Variants in ZNF69 observed in about 807,000 individuals in gnomAD.
The protein encoded by ZNF69 is zinc finger protein 69.
ZNF69 carries 47 observed loss-of-function variants against 50.9 expected under a neutral mutation model. The ratio of observed to expected loss-of-function variants is 0.92; its 90% CI spans 0.73 to 1.18. The LOEUF (loss-of-function observed/expected upper bound fraction) is 1.18. ZNF69 is among the 50% of genes most tolerant of loss of function. The pLI, the probability that ZNF69 is intolerant of heterozygous loss-of-function variation, is 0.00. For missense variants in ZNF69, 717 were observed against 675.1 expected (o/e 1.06, Z -0.69); for synonymous variants, 216 against 223.1 (o/e 0.97, Z 0.29).
the ZNF69 span, among the ~76,000 whole-genome samples, chr19:11,940,254 T>C: frequency 6.6e-6 from 1 of 152,198 alleles, no homozygotes; most frequent in Non-Finnish European, 1.5e-5. Flanking sequence ...TAAGTATAAA[T>C]AATATTTCAA....
chr19:11,944,462 A>G, the ZNF69 span, among the ~76,000 whole-genome samples: 2 of 152,128 alleles, frequency 1.3e-5, no homozygotes, highest in Non-Finnish European at 2.9e-5. Flanking sequence ...TATCCATGTG[A>G]TCCCCAATAC....
the ZNF69 span, chr19:11,947,003 T>A: frequency 1.8e-6 from 2 of 1,134,556 alleles, no homozygotes; most frequent in South Asian, 4.2e-5. Flanking sequence ...AATAAATAAA[T>A]AAATAAATTG....
Position 11,903,954 on chromosome 19 carries a change from G to A in ZNF69, c.240G>A (p.Arg80=), listed in dbSNP as rs368112743. The change falls in exon 3 of 4, where the codon AGG becomes AGA. Residue 80 remains arginine, a synonymous_variant. Coordinates refer to ENST00000429654, the MANE Select transcript of ZNF69 (RefSeq NM_001364730.1). ...TTGAATATGAGTACCAAAACCCCAG[G>A]AGAAACTTCAGGTAATTTGTACTTA... is the stretch of plus-strand genomic sequence containing the variant. ...QNIEYEYQNP[R]RNFRSLIEKK... 2 of 1,613,796 alleles carry A rather than the reference G, an allele frequency of 1.2e-6. No individual in the cohort carries two copies. Among genetic ancestry groups the A allele is most frequent in the Non-Finnish European group, 1.7e-6 (2 of 1,179,820 alleles).
chr19:11,944,605 C>T, the ZNF69 span, among the ~76,000 whole-genome samples: 5 of 152,316 alleles, frequency 3.3e-5, no homozygotes, highest in East Asian at 3.9e-4. Context: ...TCTCAGTTCG[C>T]GTTGGATAAG....
the ZNF69 span, chr19:11,948,601 C>T: frequency 1.2e-6 from 2 of 1,610,116 alleles, no homozygotes; most frequent in African/African-American, 1.3e-5. Flanking sequence ...TGGAGAGAAA[C>T]CCTATGCTTG....
At chr19:11,916,340 C>G (rs1011121995), downstream of ZNF69, among the ~76,000 whole-genome samples, 6 of 152,112 alleles carry the variant, frequency 3.9e-5, no homozygotes, top group South Asian at 1.0e-3. Flanking sequence ...GGCCGCTGGG[C>G]AGATTGGCTC....
At chr19:11,953,673 A>G in the ZNF69 span, among the ~76,000 whole-genome samples, 256 of 152,320 alleles carry the variant, frequency 1.7e-3, 3 homozygotes, top group African/African-American at 5.8e-3. Flanking sequence ...GGACCCTCTC[A>G]TGGGAGGGTT....
chr19:11,979,470 C>A, the ZNF69 span: 3 of 1,598,686 alleles, frequency 1.9e-6, no homozygotes, highest in Admixed American at 3.4e-5. Flanking sequence ...AAATGTAAGA[C>A]ATGTGGGAAA....
At chr19:11,902,457 G>C in intron 1 of ZNF69, among the ~76,000 whole-genome samples, 1 of 152,044 alleles carries the variant, frequency 6.6e-6, no homozygotes, top group East Asian at 1.9e-4. Flanking sequence ...TATCTCTTAA[G>C]AGTTTCTTGT....
At chr19:11,978,096 G>A in the ZNF69 span, 9 of 1,604,166 alleles carry the variant, frequency 5.6e-6, no homozygotes, top group African/African-American at 1.1e-4. Flanking sequence ...CCTTCATAAT[G>A]TGCTTCTCAC....
chr19:11,969,229 C>G, the ZNF69 span, among the ~76,000 whole-genome samples: 1 of 152,170 alleles, frequency 6.6e-6, no homozygotes, highest in African/African-American at 2.4e-5. Context: ...CTCAGCCTTT[C>G]CAGTAGCTGG....
the ZNF69 span, among the ~76,000 whole-genome samples, chr19:11,931,144 CTATCTT>C: frequency 2.0e-5 from 3 of 148,260 alleles, 1 homozygote; most frequent in Admixed American, 6.6e-5. Flanking sequence ...TAGTGCCTCT[CTATCTT>C]AGTCATCTTG....
chr19:11,943,069 A>C, the ZNF69 span, among the ~76,000 whole-genome samples: 2 of 152,230 alleles, frequency 1.3e-5, no homozygotes. Context: ...TATTTGAAGG[A>C]GCACAGGTAG....
At chr19:11,975,427 T>G in the ZNF69 span, among the ~76,000 whole-genome samples, 1 of 150,650 alleles carries the variant, frequency 6.6e-6, no homozygotes, top group Non-Finnish European at 1.5e-5. Context: ...AGACAGAGTC[T>G]TGCTCTGTCG....
At chr19:11,971,582 A>G in the ZNF69 span, among the ~76,000 whole-genome samples, 10 of 152,236 alleles carry the variant, frequency 6.6e-5, no homozygotes, top group African/African-American at 2.4e-4. Flanking sequence ...ATTTCATGGA[A>G]TAAAATATAA....
chr19:11,913,320 C>G, intron 4 of ZNF69: 1 of 470,732 alleles, frequency 2.1e-6, no homozygotes, highest in Non-Finnish European at 3.9e-6. Flanking sequence ...TGCCAGGCAT[C>G]TTTTTTTTTT....
At chr19:11,907,704 G>A (rs1972399885), downstream of ZNF69, among the ~76,000 whole-genome samples, 1 of 152,186 alleles carries the variant, frequency 6.6e-6, no homozygotes, top group Non-Finnish European at 1.5e-5. Flanking sequence ...ACCGGTACCA[G>A]CCACTGCAAA....
chr19:11,900,385 C>CTCTG (rs1972218603), intron 1 of ZNF69, among the ~76,000 whole-genome samples: 1 of 150,670 alleles, frequency 6.6e-6, no homozygotes, highest in Non-Finnish European at 1.5e-5. Flanking sequence ...CTGAGTCTGG[C>CTCTG]TCTGTCACCC....
At chr19:11,959,398 C>T in the ZNF69 span, among the ~76,000 whole-genome samples, 1 of 152,176 alleles carries the variant, frequency 6.6e-6, no homozygotes. Context: ...TCTCCTTGGT[C>T]TCACTTATTT....
Sources: allele counts gnomAD v4.1 joint callset (sites outside exome capture counted in the v4.1 genomes callset), GRCh38; gene constraint gnomAD v4.1.1; transcripts MANE v1.5; gene names NCBI Gene and HGNC (gene_info 2026-07-23, HGNC 2026-07-21).